SLC12A6: variants seen among roughly 807,000 people sequenced by gnomAD.
SLC12A6 encodes solute carrier family 12 member 6.
SLC12A6 carries 66 observed loss-of-function variants against 135.3 expected under a neutral mutation model. The ratio of observed to expected loss-of-function variants is 0.49; its 90% CI spans 0.40 to 0.60. SLC12A6 has a LOEUF of 0.60. Ranked by LOEUF, SLC12A6 falls within the 20% of genes least tolerant of loss-of-function variation. The pLI, the probability that SLC12A6 is intolerant of heterozygous loss-of-function variation, is 0.00. For missense variants in SLC12A6, 1,058 were observed against 1,452.3 expected, an observed-to-expected ratio of 0.73 and a Z score of 4.41; for synonymous variants, 513 against 508.8, an observed-to-expected ratio of 1.01 and a Z score of -0.11.
intron 2 of SLC12A6, among the ~76,000 whole-genome samples, chr15:34,308,630 C>CAAAAAAAAAAAAAAAAAAA (rs536506096): frequency 4.7e-5 from 3 of 63,336 alleles, no homozygotes; most frequent in African/African-American, 5.0e-5. Flanking sequence ...GTCCACCTGA[C>CAAAAAAAAAAAAAAAAAAA]AAAAAAAAAA....
intron 2 of SLC12A6, among the ~76,000 whole-genome samples, chr15:34,325,310 T>A (rs1259773430): frequency 6.6e-6 from 1 of 152,136 alleles, no homozygotes; most frequent in Non-Finnish European, 1.5e-5. Flanking sequence ...GTGAAAAATA[T>A]AAAAAAGATC....
Position 34,334,569 on chromosome 15 carries a change from GA to G in SLC12A6, c.271+1840del, listed in dbSNP as rs542333979. Among the ~76,000 whole-genome samples, 1,090 of 149,628 alleles carry G rather than the reference GA, an allele frequency of 7.3e-3. 11 individuals are homozygous for G. The highest frequency in any genetic ancestry group is 0.025 in the African/African-American group (1,013 of 40,880). The stretch of plus-strand genomic sequence containing the variant: ...ATAAGAATTTTTTTAAATATAGAAA[GA>G]AAAAAAAAGAGAAAAGGTAGGTCAC... On this transcript the variant is annotated intron_variant, in intron 2 of 25. Coordinates refer to ENST00000354181, the MANE Select transcript of SLC12A6 (RefSeq NM_001365088.1).
At chr15:34,320,535 T>C (rs1173107270) in intron 2 of SLC12A6, among the ~76,000 whole-genome samples, 1 of 151,384 alleles carries the variant, frequency 6.6e-6, no homozygotes, top group Non-Finnish European at 1.5e-5. Flanking sequence ...AAGGTAAATA[T>C]AAAAGCACAA....
chr15:34,273,920 T>C (rs563885751), intron 3 of SLC12A6, among the ~76,000 whole-genome samples: 3 of 152,264 alleles, frequency 2.0e-5, no homozygotes, highest in South Asian at 2.1e-4. Context: ...CATTACTCCA[T>C]ACTGGTGAGA....
At chr15:34,240,073 A>T (rs1473576315) in intron 19 of SLC12A6, among the ~76,000 whole-genome samples, 1 of 152,042 alleles carries the variant, frequency 6.6e-6, no homozygotes, top group South Asian at 2.1e-4. Context: ...TACATTAGGT[A>T]TATCTCCTAA....
rs1209817415 is a variant in SLC12A6, at chr15:34,254,410, A to G, written c.1056T>C (p.Ile352=). ...KFASLFLACV[I]VSILAIYAGA... The stretch of plus-strand genomic sequence containing the variant: ...CAGCATAGATGGCCAAGATGGACAC[A>G]ATGACACAGGCCAGGAAAAGTGAGG... Residue 352 remains isoleucine, a synonymous_variant, in exon 9 of 26, where the codon ATT becomes ATC. Transcript: ENST00000354181. 2.5e-6 allele frequency: 4 copies of G among 1,613,368 alleles called. No individual in the cohort carries two copies. The highest frequency in any genetic ancestry group is 3.4e-6 in the Non-Finnish European group (4 of 1,179,408).
intron 2 of SLC12A6, among the ~76,000 whole-genome samples, chr15:34,316,859 CAAAT>C (rs1888687212): frequency 6.6e-6 from 1 of 152,032 alleles, no homozygotes; most frequent in Non-Finnish European, 1.5e-5. Context: ...ATTTAAAAAA[CAAAT>C]GAAATGAGGT....
chr15:34,250,853 C>A (rs760170288), intron 11 of SLC12A6, 46 bp downstream of exon 11: 1 of 1,541,312 alleles, frequency 6.5e-7, no homozygotes, highest in Non-Finnish European at 9.0e-7. Context: ...AAAATCACTC[C>A]GTGGGTCTGA....
At chr15:34,317,651 C>G (rs1438708592) in intron 2 of SLC12A6, among the ~76,000 whole-genome samples, 1 of 151,974 alleles carries the variant, frequency 6.6e-6, no homozygotes, top group African/African-American at 2.4e-5. Context: ...TGCAGTAAGC[C>G]GAGATCACCC....
chr15:34,294,920 C>T lies in SLC12A6; in HGVS notation c.272-19531G>A, dbSNP rs1595519037. 2.0e-5 allele frequency among the ~76,000 whole-genome samples: 3 copies of T among 152,292 alleles called. No homozygotes were observed. In the East Asian group the frequency reaches 5.8e-4, roughly 29 times the overall value. On this transcript the variant is annotated intron_variant, in intron 2 of 25. Coordinates refer to ENST00000354181, the MANE Select transcript of SLC12A6 (RefSeq NM_001365088.1). ...GCTTTTATAGACACAACTCTACTTT[C>T]CCTATTCATATTACATCAATTTGTG...
chr15:34,310,769 AGTGTGTGTGTGTGTGTGTGT>A (rs570488711), intron 2 of SLC12A6, among the ~76,000 whole-genome samples: 3,255 of 25,304 alleles, frequency 0.13, 301 homozygotes, highest in East Asian at 0.32. Context: ...CCTGGGCTCA[AGTGTGTGTGTGTGTGTGTGT>A]GTGTGTGTGT....
intron 2 of SLC12A6, among the ~76,000 whole-genome samples, chr15:34,320,826 A>G (rs563283007): frequency 2.6e-5 from 4 of 152,098 alleles, no homozygotes; most frequent in Non-Finnish European, 5.9e-5. Context: ...GGAGAATGGC[A>G]TGAACCTGGA....
chr15:34,324,112 CG>C (rs1171684603), intron 2 of SLC12A6, among the ~76,000 whole-genome samples: 3 of 151,896 alleles, frequency 2.0e-5, no homozygotes, highest in South Asian at 4.1e-4. Context: ...GAAATAAAAG[CG>C]TAAGTCCACA....
chr15:34,242,035 G>A (rs914471948), intron 17 of SLC12A6, 67 bp downstream of exon 17: 5 of 1,210,364 alleles, frequency 4.1e-6, no homozygotes, highest in Non-Finnish European at 6.1e-6. Flanking sequence ...TTTTCACTGA[G>A]CTGGCTCTAA....
chr15:34,307,432 C>T (rs902988759), intron 2 of SLC12A6, among the ~76,000 whole-genome samples: 1 of 152,142 alleles, frequency 6.6e-6, no homozygotes, highest in Non-Finnish European at 1.5e-5. Flanking sequence ...AGTGTTACTG[C>T]AAGAATATTT....
intron 3 of SLC12A6, among the ~76,000 whole-genome samples, chr15:34,264,642 A>G (rs1045534940): frequency 6.6e-6 from 1 of 152,228 alleles, no homozygotes; most frequent in South Asian, 2.1e-4. Context: ...ACAAAAAATA[A>G]GAGAAAATAT....
intron 3 of SLC12A6, among the ~76,000 whole-genome samples, chr15:34,273,713 T>C (rs902884103): frequency 6.6e-6 from 1 of 152,132 alleles, no homozygotes; most frequent in African/African-American, 2.4e-5. Flanking sequence ...TCAGCAGGGA[T>C]CAAAATAAGC....
intron 2 of SLC12A6, chr15:34,299,791 T>A (rs1471237192): frequency 4.6e-5 from 7 of 152,192 alleles, no homozygotes; most frequent in Non-Finnish European, 1.0e-4. Flanking sequence ...ATGTTCTAGA[T>A]CGTGTAGGTA....
chr15:34,275,141 T>C lies in SLC12A6; in HGVS notation c.316+204A>G, dbSNP rs11638909. ...AAACCATGCAAAATTACTTTTTAAT[T>C]TAACTGAGTCTTAGTAATCAATTAT... is the stretch of plus-strand genomic sequence containing the variant. On this transcript the variant is annotated intron_variant, in intron 3 of 25. Coordinates refer to ENST00000354181, the MANE Select transcript of SLC12A6 (RefSeq NM_001365088.1). Among the ~76,000 whole-genome samples the C allele has an allele frequency of 0.098, 14,900 of 152,226 alleles. 813 individuals are homozygous for C. The highest frequency in any genetic ancestry group is 0.15 in the South Asian group (743 of 4,826).
Sources: allele counts gnomAD v4.1 joint callset (sites outside exome capture counted in the v4.1 genomes callset), GRCh38; gene constraint gnomAD v4.1.1; transcripts MANE v1.5; gene names NCBI Gene and HGNC (gene_info 2026-07-23, HGNC 2026-07-21).